Variants in PAX7 observed in about 807,000 individuals in gnomAD.
PAX7 encodes the protein paired box 7.
Under a neutral mutation model 50.7 loss-of-function variants are expected in PAX7, and 18 were observed. That is an observed-to-expected ratio of 0.36 (90% CI 0.25 to 0.53). The LOEUF (loss-of-function observed/expected upper bound fraction) is 0.53, where lower values mean the gene tolerates loss of function less well. Among genes scored for constraint, PAX7 ranks in the 20% least tolerant of loss-of-function variants. The pLI is 0.93. For missense variants in PAX7, 644 were observed against 702.9 expected, an observed-to-expected ratio of 0.92 and a Z score of 0.95; for synonymous variants, 310 against 290.4, an observed-to-expected ratio of 1.07 and a Z score of -0.69.
chr1:18,741,997 A>G lies in PAX7; in HGVS notation c.1403-2817A>G, dbSNP rs376444568. On this transcript the variant is annotated intron_variant, in intron 8 of 8. Transcript: ENST00000420770. ...CAGTTCCATCATCTGTAAGATGCGG[A>G]TACCACCACTACCAGCCTCATAGAG... 7.9e-4 allele frequency among the ~76,000 whole-genome samples: 120 copies of G among 152,280 alleles called. 1 individual carries two copies. The highest frequency in any genetic ancestry group is 2.8e-3 in the African/African-American group (117 of 41,552).
At chr1:18,699,622 G>A (rs748877412) in intron 5 of PAX7, among the ~76,000 whole-genome samples, 53 of 150,764 alleles carry the variant, frequency 3.5e-4, no homozygotes, top group Non-Finnish European at 5.7e-4. Context: ...GTGCAGTGGC[G>A]TGATCTCAGC....
intron 4 of PAX7, among the ~76,000 whole-genome samples, chr1:18,669,680 C>T (rs947487620): frequency 2.6e-5 from 4 of 152,148 alleles, no homozygotes; most frequent in African/African-American, 9.7e-5. Flanking sequence ...TGGTGCCTGC[C>T]CCAGACCTGA....
intron 4 of PAX7, among the ~76,000 whole-genome samples, chr1:18,686,139 C>A (rs1432479699): frequency 1.3e-5 from 2 of 152,234 alleles, no homozygotes. Flanking sequence ...CTCCACTGGA[C>A]TGGAAAATCC....
At chr1:18,683,569 GT>G (rs1453380792) in intron 4 of PAX7, among the ~76,000 whole-genome samples, 1 of 152,246 alleles carries the variant, frequency 6.6e-6, no homozygotes, top group Non-Finnish European at 1.5e-5. Flanking sequence ...GCCGGGTGCG[GT>G]GGCTCATGCC....
chr1:18,721,191 T>C (rs1035090936), intron 7 of PAX7, among the ~76,000 whole-genome samples: 10 of 152,098 alleles, frequency 6.6e-5, no homozygotes, highest in African/African-American at 1.2e-4. Flanking sequence ...GAACCCCAGA[T>C]GCCCTGGCCT....
chr1:18,665,835 GATTTTTTTGT>G (rs1296185120), intron 4 of PAX7, among the ~76,000 whole-genome samples: 3 of 151,836 alleles, frequency 2.0e-5, no homozygotes, highest in African/African-American at 7.3e-5. Context: ...ATGCCTGACT[GATTTTTTTGT>G]ATTTTAAATA....
In PAX7 at chr1:18,636,184, C is replaced by T; in HGVS notation, c.452-53C>T. 2.5e-6 allele frequency: 4 copies of T among 1,586,472 alleles called. No homozygotes were observed. The highest frequency in any genetic ancestry group is 1.1e-5 in the South Asian group (1 of 87,780). On this transcript the variant is annotated intron_variant, in intron 3 of 8. Coordinates refer to ENST00000420770, the MANE Select transcript of PAX7 (RefSeq NM_001135254.2). The surrounding 1 kb of genome is among the most constrained non-coding windows in gnomAD (Gnocchi z 5.1). The stretch of plus-strand genomic sequence containing the variant: ...TCTCCCAGGGGCCCAGGCCACCGCT[C>T]GCTCCTCTGCTCCAACAACTTATAC...
chr1:18,674,013 C>G (rs1330750606), intron 4 of PAX7, among the ~76,000 whole-genome samples: 1 of 152,178 alleles, frequency 6.6e-6, no homozygotes, highest in Non-Finnish European at 1.5e-5. Context: ...AATTATTGTA[C>G]AAAACAATCC....
chr1:18,721,875 T>TG (rs1218563739), intron 7 of PAX7, among the ~76,000 whole-genome samples: 2 of 152,174 alleles, frequency 1.3e-5, no homozygotes, highest in African/African-American at 4.8e-5. Context: ...TTGCATGGTT[T>TG]GGGGGACTGC....
In PAX7 at chr1:18,700,543, T is replaced by C. The variant is rs868289035; in HGVS notation, c.787-110T>C. 1.0e-6 allele frequency: 1 copy of C among 1,001,404 alleles called. No homozygotes were observed. Among genetic ancestry groups the C allele is most frequent in the African/African-American group, 1.7e-5 (1 of 59,518 alleles). 62.0% of individuals were successfully genotyped at this position (1,001,404 alleles called of 1,614,324 possible). ...CACAATGCCGGGGCCTGCAGGAGGA[T>C]GCTGGCTGGATCAGAGGGTGATGGC... is the stretch of plus-strand genomic sequence containing the variant. On this transcript the variant is annotated intron_variant, in intron 5 of 8. Transcript: ENST00000420770. This position sits in a 1 kb window ranked among gnomAD's most constrained non-coding sequence, Gnocchi z 4.8.
At chr1:18,643,174 G>T (rs1266000493) in intron 4 of PAX7, among the ~76,000 whole-genome samples, 1 of 152,232 alleles carries the variant, frequency 6.6e-6, no homozygotes, top group African/African-American at 2.4e-5. Context: ...CCAGGCCCCC[G>T]GTTTGGCAGC....
At chr1:18,655,844 C>T (rs949057252) in intron 4 of PAX7, among the ~76,000 whole-genome samples, 1 of 151,428 alleles carries the variant, frequency 6.6e-6, no homozygotes, top group Non-Finnish European at 1.5e-5. Context: ...GAACCAGGCC[C>T]TGGGAGACCC....
intron 7 of PAX7, among the ~76,000 whole-genome samples, chr1:18,709,379 A>G (rs1051985707): frequency 7.9e-5 from 12 of 152,212 alleles, no homozygotes; most frequent in Non-Finnish European, 1.3e-4. Flanking sequence ...AGGGATTTAC[A>G]TATTTACAAT....
At chr1:18,682,962 G>A (rs1401921082) in intron 4 of PAX7, among the ~76,000 whole-genome samples, 3 of 152,306 alleles carry the variant, frequency 2.0e-5, no homozygotes, top group African/African-American at 7.2e-5. Context: ...CTGCCTGGGT[G>A]GGGCAGGGCA....
intron 4 of PAX7, among the ~76,000 whole-genome samples, chr1:18,683,703 G>C (rs745723506): frequency 5.3e-5 from 8 of 152,192 alleles, no homozygotes; most frequent in Non-Finnish European, 7.3e-5. Context: ...AGTCCGGCAC[G>C]GTGGTCGGTG....
At chr1:18,676,494 G>C (rs978410152) in intron 4 of PAX7, among the ~76,000 whole-genome samples, 1 of 150,708 alleles carries the variant, frequency 6.6e-6, no homozygotes, top group Non-Finnish European at 1.5e-5. Context: ...GTGGCTGGGG[G>C]AGGGGAGGGG....
chr1:18,723,002 T>G (rs1247290933), intron 7 of PAX7, among the ~76,000 whole-genome samples: 1 of 152,178 alleles, frequency 6.6e-6, no homozygotes, highest in Non-Finnish European at 1.5e-5. Flanking sequence ...CAGGCACCAA[T>G]AAGACATTGT....
chr1:18,723,910 C>A (rs2089524182), intron 7 of PAX7, among the ~76,000 whole-genome samples: 1 of 152,170 alleles, frequency 6.6e-6, no homozygotes, highest in Non-Finnish European at 1.5e-5. Flanking sequence ...CTGTCCTCCC[C>A]AAGCTGCCTC....
chr1:18,661,957 G>T (rs376288365), intron 4 of PAX7, among the ~76,000 whole-genome samples: 1 of 152,208 alleles, frequency 6.6e-6, no homozygotes, highest in Non-Finnish European at 1.5e-5. Context: ...AATCAAAGAC[G>T]ATTTCCAGGG....
Sources: gnomAD v4.1 joint callset for allele counts (sites outside exome capture counted in the v4.1 genomes callset) on GRCh38, gnomAD v4.1.1 for gene constraint, Gnocchi (gnomAD v3.1) non-coding constraint, MANE v1.5 for transcripts, NCBI Gene and HGNC (gene_info 2026-07-23, HGNC 2026-07-21) for gene names.